The following DCDC2 variants were observed in gnomAD, a reference collection of about 807,000 sequenced individuals.
DCDC2 encodes the protein doublecortin domain containing 2.
Under a neutral mutation model 50.2 loss-of-function variants are expected in DCDC2, and 40 were observed. The ratio of observed to expected loss-of-function variants is 0.80; its 90% CI spans 0.62 to 1.04. The LOEUF is 1.04. Ranked by LOEUF, DCDC2 falls within the 50% of genes least tolerant of loss-of-function variation. The pLI is 0.00. For missense variants in DCDC2, 570 were observed against 581.9 expected, an observed-to-expected ratio of 0.98 and a Z score of 0.21; for synonymous variants, 234 against 210.6, an observed-to-expected ratio of 1.11 and a Z score of -0.96.
chr6:24,347,501 A>T (rs182842883), intron 2 of DCDC2, among the ~76,000 whole-genome samples: 2 of 152,356 alleles, frequency 1.3e-5, no homozygotes, highest in East Asian at 3.9e-4. Context: ...TGACATAAAA[A>T]ATACAGTACA....
At chr6:24,369,470 C>A in the DCDC2 span, among the ~76,000 whole-genome samples, 12 of 151,734 alleles carry the variant, frequency 7.9e-5, no homozygotes, top group African/African-American at 2.7e-4. Flanking sequence ...ATTAGCCATG[C>A]ATGGTGGTGC....
intron 8 of DCDC2, among the ~76,000 whole-genome samples, chr6:24,202,986 G>A (rs980532424): frequency 2.6e-5 from 4 of 152,084 alleles, no homozygotes; most frequent in Non-Finnish European, 4.4e-5. Flanking sequence ...AAATAAGAGA[G>A]GACACAAACA....
intron 2 of DCDC2, among the ~76,000 whole-genome samples, chr6:24,306,469 C>G (rs1759474354): frequency 6.6e-6 from 1 of 150,974 alleles, no homozygotes. Flanking sequence ...CTGGCAAAAC[C>G]CCATTTCAAA....
At chr6:24,335,948 A>T (rs140038386) in intron 2 of DCDC2, among the ~76,000 whole-genome samples, 7 of 152,188 alleles carry the variant, frequency 4.6e-5, no homozygotes, top group African/African-American at 1.7e-4. Flanking sequence ...GAGCCAAACC[A>T]TATCACCTAG....
chr6:24,372,101 C>G, the DCDC2 span, among the ~76,000 whole-genome samples: 1 of 152,190 alleles, frequency 6.6e-6, no homozygotes, highest in East Asian at 1.9e-4. Flanking sequence ...CCATTTGACC[C>G]AGCCATCCCA....
chr6:24,371,224 C>T, the DCDC2 span, among the ~76,000 whole-genome samples: 1 of 144,164 alleles, frequency 6.9e-6, no homozygotes, highest in East Asian at 2.0e-4. Context: ...TTGCAGTGAG[C>T]CGAGATCGCG....
chr6:24,243,628 G>A (rs887524952), intron 7 of DCDC2, among the ~76,000 whole-genome samples: 6 of 152,168 alleles, frequency 3.9e-5, no homozygotes, highest in African/African-American at 1.4e-4. Context: ...AGCTTATATG[G>A]AGCTGAGAGG....
At chr6:24,272,136 C>A (rs535159674) in intron 7 of DCDC2, among the ~76,000 whole-genome samples, 1 of 151,976 alleles carries the variant, frequency 6.6e-6, no homozygotes, top group Non-Finnish European at 1.5e-5. Flanking sequence ...TTGAGCCATA[C>A]GTCTTACTAG....
At chr6:24,264,140 G>A (rs1354796701) in intron 7 of DCDC2, among the ~76,000 whole-genome samples, 1 of 152,108 alleles carries the variant, frequency 6.6e-6, no homozygotes, top group Non-Finnish European at 1.5e-5. Context: ...TCCAGCAAAA[G>A]TATCTTTCAA....
chr6:24,178,706 GTAA>G, intron 8 of DCDC2, 74 bp from the exon 9 acceptor site: 1 of 1,353,614 alleles, frequency 7.4e-7, no homozygotes, highest in Non-Finnish European at 1.0e-6. Context: ...TCATAGTAAT[GTAA>G]TACTTATATT....
At chr6:24,357,295 C>A in intron 1 of DCDC2, 163 bp downstream of exon 1, 1 of 773,334 alleles carries the variant, frequency 1.3e-6, no homozygotes, top group Non-Finnish European at 2.0e-6. Context: ...GTGTCAACCT[C>A]TACCCCCCAA....
intron 7 of DCDC2, among the ~76,000 whole-genome samples, chr6:24,238,600 G>C (rs779401569): frequency 1.3e-5 from 2 of 152,088 alleles, no homozygotes; most frequent in Admixed American, 6.5e-5. Flanking sequence ...CACCAGGCCC[G>C]AACACCCAAA....
intron 7 of DCDC2, among the ~76,000 whole-genome samples, chr6:24,264,834 T>TA (rs533997010): frequency 0.022 from 3,203 of 143,656 alleles, 46 homozygotes; most frequent in South Asian, 0.055. Context: ...CCGAATGGAT[T>TA]AAAAAAAAAA....
In DCDC2 at chr6:24,257,697, GAA is replaced by G. The variant is rs11366184; in HGVS notation, c.922+20350_922+20351del. On this transcript the variant is annotated intron_variant, in intron 7 of 9. Transcript: ENST00000378454. Reference sequence around the variant, plus strand: ...CTTGTGGAAGACGCCTGAAGTTGGGGAAAAAAAAAAAAGGCCATGAAAGTGAC... The same window carrying G: ...CTTGTGGAAGACGCCTGAAGTTGGGGAAAAAAAAAAGGCCATGAAAGTGAC... Among the ~76,000 whole-genome samples, 36 of 138,010 alleles carry G rather than the reference GAA, an allele frequency of 2.6e-4. 1 individual carries two copies. Among genetic ancestry groups the G allele is most frequent in the African/African-American group, 7.7e-4 (30 of 39,192 alleles). The allele number at this position is 138,010 out of a possible 152,430, so 90.5% of individuals were successfully genotyped here.
intron 8 of DCDC2, among the ~76,000 whole-genome samples, chr6:24,204,701 T>C (rs1470376050): frequency 6.6e-6 from 1 of 152,200 alleles, no homozygotes; most frequent in East Asian, 1.9e-4. Context: ...TACTCTTTTT[T>C]ATATCAAACT....
At position 24,329,560 on chromosome 6, in the gene DCDC2, G is replaced by A. The variant is rs537415283; in HGVS notation, c.348+24009C>T. On this transcript the variant is annotated intron_variant, in intron 2 of 9. Transcript: ENST00000378454. ...GATACAATGCAGACAGGCAACTTGG[G>A]CAACAACTTAACATTAGCCATCCAA... Among the ~76,000 whole-genome samples, 3 of 152,238 alleles carry A rather than the reference G, an allele frequency of 2.0e-5. No homozygotes were observed. The South Asian group carries it at 6.2e-4, about 32-fold the overall frequency.
intron 2 of DCDC2, among the ~76,000 whole-genome samples, chr6:24,331,113 C>T (rs1159925051): frequency 3.3e-5 from 5 of 152,044 alleles, no homozygotes; most frequent in Non-Finnish European, 5.9e-5. Flanking sequence ...AATGAAATAT[C>T]GCCCCTTCTA....
intron 6 of DCDC2, among the ~76,000 whole-genome samples, chr6:24,283,576 T>C (rs1763527598): frequency 6.6e-6 from 1 of 152,214 alleles, no homozygotes; most frequent in African/African-American, 2.4e-5. Context: ...ATCATGAATT[T>C]AGGGTGCTTT....
rs1269270861 is a variant in DCDC2 at position 24,174,423 on chromosome 6, C to A, written c.*307G>T. On this transcript the variant is annotated 3_prime_UTR_variant, in exon 10 of 10. Coordinates refer to ENST00000378454, the MANE Select transcript of DCDC2 (RefSeq NM_016356.5). ...CCTTCTAAACTTATAATAAAGCGTA[C>A]AATAAGAGTGATCCTATTTTTCATC... is the stretch of plus-strand genomic sequence containing the variant. 1 of 193,886 alleles carries A rather than the reference C, an allele frequency of 5.2e-6. No homozygotes were observed. The highest frequency in any genetic ancestry group is 1.0e-5 in the Non-Finnish European group (1 of 96,418). 12.0% of individuals were successfully genotyped at this position (193,886 alleles called of 1,614,324 possible). A position where few individuals can be genotyped will look rare whatever the true frequency, so the allele number is the denominator to read the frequency against.
Sources: gnomAD v4.1 joint callset for allele counts (sites outside exome capture counted in the v4.1 genomes callset) on GRCh38, gnomAD v4.1.1 for gene constraint, MANE v1.5 for transcripts, NCBI Gene and HGNC (gene_info 2026-07-23, HGNC 2026-07-21) for gene names.